Variants in ABCG1 observed in about 807,000 individuals in gnomAD.
The protein encoded by ABCG1 is ATP-binding cassette sub-family G member 1.
ABCG1 carries 29 observed loss-of-function variants against 69.2 expected under a neutral mutation model. That is an observed-to-expected ratio of 0.42 (90% CI 0.31 to 0.57). ABCG1 has a LOEUF of 0.57. Among genes scored for constraint, ABCG1 ranks in the 20% least tolerant of loss-of-function variants. ABCG1 has a pLI of 0.15. For synonymous variants in ABCG1, 370 were observed against 374.8 expected, an observed-to-expected ratio of 0.99 and a Z score of 0.15; for missense variants, 718 against 898.1, an observed-to-expected ratio of 0.80 and a Z score of 2.56.
intron 13 of ABCG1, 84 bp from the exon 14 acceptor site, chr21:42,294,458 G>A (rs1164886850): frequency 2.8e-6 from 3 of 1,079,368 alleles, no homozygotes; most frequent in Non-Finnish European, 4.3e-6. Context: ...CCCTGCCCGG[G>A]GGAAGCTGGC....
chr21:42,202,992 T>C (rs529902797), intron 2 of ABCG1, among the ~76,000 whole-genome samples: 1 of 152,146 alleles, frequency 6.6e-6, no homozygotes, highest in African/African-American at 2.4e-5. Context: ...TGGAACAGAA[T>C]AGAAAACCCA....
chr21:42,243,447 C>CGTGTGTGT (rs869095111), intron 2 of ABCG1, among the ~76,000 whole-genome samples: 15 of 81,546 alleles, frequency 1.8e-4, no homozygotes, highest in Admixed American at 4.4e-4. Flanking sequence ...TGTGTGTGCG[C>CGTGTGTGT]GTGTGTGTGT....
chr21:42,285,823 C>G, intron 7 of ABCG1, 57 bp from the exon 8 acceptor site: 1 of 1,205,144 alleles, frequency 8.3e-7, no homozygotes, highest in East Asian at 2.3e-5. Flanking sequence ...TTGAGGGCTC[C>G]GGTTGCCTTC....
chr21:42,295,525 C>T (rs1569244570), intron 14 of ABCG1, among the ~76,000 whole-genome samples: 1 of 152,156 alleles, frequency 6.6e-6, no homozygotes, highest in Non-Finnish European at 1.5e-5. Flanking sequence ...CTGGCCCCAC[C>T]AGGGGCAGCG....
At chr21:42,280,744 G>A (rs941978414) in intron 5 of ABCG1, among the ~76,000 whole-genome samples, 13 of 152,194 alleles carry the variant, frequency 8.5e-5, no homozygotes, top group African/African-American at 2.4e-4. Context: ...AAGATGTGCC[G>A]CATGTGTGGG....
In ABCG1 at chr21:42,276,859, G is replaced by C. The variant is rs763206321; in HGVS notation, c.538-36G>C. 1.2e-6 allele frequency: 2 copies of C among 1,613,042 alleles called. No homozygotes were observed. The highest frequency in any genetic ancestry group is 1.7e-6 in the Non-Finnish European group (2 of 1,179,164). ...AGGCTCACACTGCCAGTGGCCGTCT[G>C]TTCTGCTTCCACACTGTTGTCCTTG... is the stretch of plus-strand genomic sequence containing the variant. On this transcript the variant is annotated intron_variant, in intron 4 of 14. Coordinates refer to ENST00000398449, the MANE Select transcript of ABCG1 (RefSeq NM_016818.3). This position sits in a 1 kb window ranked among gnomAD's most constrained non-coding sequence, Gnocchi z 5.3.
rs573358519 is a variant in ABCG1, at chr21:42,279,839, G to A, written c.589-2435G>A. Among the ~76,000 whole-genome samples the A allele has an allele frequency of 4.6e-5, 7 of 152,308 alleles. No homozygotes were observed. In the South Asian group the frequency reaches 1.4e-3, roughly 32 times the overall value. On this transcript the variant is annotated intron_variant, in intron 5 of 14. Coordinates refer to ENST00000398449, the MANE Select transcript of ABCG1 (RefSeq NM_016818.3). Reference sequence around the variant, plus strand: ...CAAGCTGGCATCTTGGTGGAGAATGGAGGCGCCTCCCAGGAGTAGCTACAC... The same window carrying A: ...CAAGCTGGCATCTTGGTGGAGAATGAAGGCGCCTCCCAGGAGTAGCTACAC...
Position 42,271,162 on chromosome 21 carries a change from C to A in ABCG1, c.379C>A (p.Leu127Met). 6.3e-7 allele frequency: 1 copy of A among 1,575,102 alleles called. No homozygotes were observed. The highest frequency in any genetic ancestry group is 8.6e-7 in the Non-Finnish European group (1 of 1,163,766). ...TCCTTCCGGGGCCGGGAAGTCCACG[C>A]TGATGAACATCCTGGCTGGATACAG... ...MGPSGAGKST[L>M]MNILAGYRET... Residue 127 changes from leucine to methionine, a missense_variant, in exon 3 of 15, where the codon CTG becomes ATG. By Grantham distance (15) the Leu-to-Met change is conservative. Around this residue, in one of 2 missense-constraint regions of ABCG1, gnomAD observed 514 missense variants for 574.3 expected, o/e 0.90. Transcript: ENST00000398449.
rs117769466 is a variant in ABCG1, at chr21:42,288,439, G to T, written c.1224+127G>T. On this transcript the variant is annotated intron_variant, in intron 10 of 14. Coordinates refer to ENST00000398449, the MANE Select transcript of ABCG1 (RefSeq NM_016818.3). This position sits in a 1 kb window ranked among gnomAD's most constrained non-coding sequence, Gnocchi z 4.8. The stretch of plus-strand genomic sequence containing the variant: ...AGAAATTCATGAGGCCAGGCATGGT[G>T]ACTCATGTCTGTAACCCCAGCACTT... 969 of 724,412 alleles carry T rather than the reference G, an allele frequency of 1.3e-3. 12 individuals are homozygous for T. The East Asian group carries it at 0.025, about 18-fold the overall frequency. 44.9% of individuals were successfully genotyped at this position (724,412 alleles called of 1,614,324 possible).
At chr21:42,209,787 G>A (rs748675238) in intron 2 of ABCG1, among the ~76,000 whole-genome samples, 15 of 152,230 alleles carry the variant, frequency 9.9e-5, no homozygotes, top group Non-Finnish European at 2.2e-4. Flanking sequence ...TTCAAATGCT[G>A]ACACCTCTCA....
chr21:42,266,076 C>T (rs888735464), intron 2 of ABCG1, among the ~76,000 whole-genome samples: 8 of 152,060 alleles, frequency 5.3e-5, no homozygotes, highest in African/African-American at 1.2e-4. Flanking sequence ...CCCACGTGGG[C>T]GGATCACGAG....
chr21:42,293,982 C>T (rs2069151960), intron 13 of ABCG1, among the ~76,000 whole-genome samples: 1 of 151,602 alleles, frequency 6.6e-6, no homozygotes, highest in Admixed American at 6.6e-5. Flanking sequence ...ACACTCCACA[C>T]ACACACTCCA....
rs115212546 is a variant in ABCG1 at position 42,279,398 on chromosome 21, T to G, written c.588+2453T>G. On this transcript the variant is annotated intron_variant, in intron 5 of 14. Coordinates refer to ENST00000398449, the MANE Select transcript of ABCG1 (RefSeq NM_016818.3). Reference sequence around the variant, plus strand: ...GGAGGCGGAGGGCGGAGAGACTTGCTAACACGGAGAGGCCCTGTGGTGAAG... The same window carrying G: ...GGAGGCGGAGGGCGGAGAGACTTGCGAACACGGAGAGGCCCTGTGGTGAAG... Among the ~76,000 whole-genome samples the G allele has an allele frequency of 4.9e-3, 747 of 152,250 alleles. 6 individuals carry two copies. Among genetic ancestry groups the G allele is most frequent in the African/African-American group, 0.017 (705 of 41,546 alleles).
chr21:42,229,243 AG>A (rs1456990272), intron 2 of ABCG1, among the ~76,000 whole-genome samples: 1 of 152,262 alleles, frequency 6.6e-6, no homozygotes, highest in East Asian at 1.9e-4. Flanking sequence ...ACGTTGGGTC[AG>A]GGGCTACTTC....
chr21:42,289,008 C>T (rs746764359), intron 10 of ABCG1, among the ~76,000 whole-genome samples: 1 of 152,148 alleles, frequency 6.6e-6, no homozygotes, highest in Non-Finnish European at 1.5e-5. Flanking sequence ...AGGAGAAGTC[C>T]ACCCCCATGA....
upstream of ABCG1, among the ~76,000 whole-genome samples, chr21:42,218,778 C>G (rs2067671139): frequency 6.6e-6 from 1 of 152,176 alleles, no homozygotes; most frequent in Non-Finnish European, 1.5e-5. Flanking sequence ...CTCTCCCTCC[C>G]TGGACGCCCC....
chr21:42,253,326 G>T (rs779410580), intron 2 of ABCG1, among the ~76,000 whole-genome samples: 2 of 152,196 alleles, frequency 1.3e-5, no homozygotes, highest in South Asian at 4.1e-4. Context: ...GCACCGCTGT[G>T]GGGGAAGGAT....
Position 42,273,300 on chromosome 21 carries a change from C to A in ABCG1, c.405-3C>A. 1 of 1,611,542 alleles carries A rather than the reference C, an allele frequency of 6.2e-7. No homozygotes were observed. The highest frequency in any genetic ancestry group is 1.1e-5 in the South Asian group (1 of 90,868). ...ACGGCTTCTCCTGTCCTTGGTTCTG[C>A]AGGGAGACGGGCATGAAGGGGGCCG... is the stretch of plus-strand genomic sequence containing the variant. On this transcript the variant is annotated splice_region_variant and splice_polypyrimidine_tract_variant and intron_variant, in intron 3 of 14. Coordinates refer to ENST00000398449, the MANE Select transcript of ABCG1 (RefSeq NM_016818.3). This position sits in a 1 kb window ranked among gnomAD's most constrained non-coding sequence, Gnocchi z 5.3.
chr21:42,225,724 G>A lies in ABCG1; in HGVS notation c.96G>A (p.Ser32=), dbSNP rs554693689. The A allele has an allele frequency of 2.2e-5, 36 of 1,613,840 alleles. No individual in the cohort carries two copies. In the East Asian group the frequency reaches 3.6e-4, roughly 16 times the overall value. Residue 32 remains serine (S), a synonymous_variant, in exon 2 of 15, where the codon TCG becomes TCA. Transcript: ENST00000398449. ...CGGAGCCCAAGTCGGTGTGTGTCTC[G>A]GTGGATGAGGTGGTGTCCAGCAACA... The part of the protein sequence containing the change: ...EMTEPKSVCV[S]VDEVVSSNME...
Sources: allele counts gnomAD v4.1 joint callset (sites outside exome capture counted in the v4.1 genomes callset), GRCh38; gene constraint gnomAD v4.1.1; regional missense constraint gnomAD v4.1.1; non-coding constraint Gnocchi (gnomAD v3.1); transcripts MANE v1.5; gene names NCBI Gene and HGNC (gene_info 2026-07-23, HGNC 2026-07-21).